Variants in PIK3C2G observed in about 807,000 individuals in gnomAD.
PIK3C2G encodes phosphatidylinositol 3-kinase C2 domain-containing subunit gamma.
A neutral mutation model predicts 181.1 loss-of-function variants in PIK3C2G; 168 were observed. The observed-to-expected ratio is 0.93, with a 90% CI of 0.82 to 1.05. The LOEUF (loss-of-function observed/expected upper bound fraction) is 1.05, where lower values mean the gene tolerates loss of function less well. Ranked by LOEUF, PIK3C2G falls within the 50% of genes least tolerant of loss-of-function variation. The pLI is 0.00. For missense variants in PIK3C2G, 1,869 were observed against 1,732.8 expected (o/e 1.08, Z -1.40); for synonymous variants, 573 against 592.2 (o/e 0.97, Z 0.47).
chr12:18,565,950 C>T (rs181461900), intron 28 of PIK3C2G, among the ~76,000 whole-genome samples: 5 of 152,172 alleles, frequency 3.3e-5, no homozygotes, highest in Admixed American at 2.0e-4. Flanking sequence ...ATCTCTCTAC[C>T]TACCTATCTA....
At chr12:18,509,311 G>C (rs1942060354) in intron 24 of PIK3C2G, among the ~76,000 whole-genome samples, 3 of 152,204 alleles carry the variant, frequency 2.0e-5, no homozygotes, top group African/African-American at 7.2e-5. Context: ...GCCTCTCAAA[G>C]TGCTGAGATT....
At chr12:18,567,574 G>A (rs914054385) in intron 29 of PIK3C2G, among the ~76,000 whole-genome samples, 6 of 151,808 alleles carry the variant, frequency 4.0e-5, no homozygotes, top group Non-Finnish European at 8.8e-5. Context: ...TATCAGTGCC[G>A]TGAAGTGCTC....
At chr12:18,535,749 AT>A (rs1943818048) in intron 24 of PIK3C2G, among the ~76,000 whole-genome samples, 1 of 152,120 alleles carries the variant, frequency 6.6e-6, no homozygotes, top group African/African-American at 2.4e-5. Context: ...AAATTAAGAT[AT>A]TTTTCTGATT....
intron 26 of PIK3C2G, among the ~76,000 whole-genome samples, chr12:18,554,141 G>T (rs1377299994): frequency 6.6e-6 from 1 of 151,878 alleles, no homozygotes; most frequent in Non-Finnish European, 1.5e-5. Flanking sequence ...TGAGATCATG[G>T]GTAGACCTAG....
At chr12:18,711,472 C>T in the PIK3C2G span, among the ~76,000 whole-genome samples, 1 of 150,218 alleles carries the variant, frequency 6.7e-6, no homozygotes, top group Non-Finnish European at 1.5e-5. Flanking sequence ...CAACATGGCA[C>T]ATGTATCCAT....
At chr12:18,559,629 G>T (rs1049476795) in intron 26 of PIK3C2G, among the ~76,000 whole-genome samples, 2 of 151,152 alleles carry the variant, frequency 1.3e-5, no homozygotes, top group Non-Finnish European at 2.9e-5. Context: ...AAAAAAAAAG[G>T]TCTCTCTCAC....
intron 31 of PIK3C2G, among the ~76,000 whole-genome samples, chr12:18,626,356 T>C (rs931993840): frequency 6.6e-6 from 1 of 152,054 alleles, no homozygotes; most frequent in Non-Finnish European, 1.5e-5. Context: ...ATATATATTA[T>C]TTTGTAATAT....
intron 18 of PIK3C2G, among the ~76,000 whole-genome samples, chr12:18,480,079 A>C (rs1939407186): frequency 6.6e-6 from 1 of 152,192 alleles, no homozygotes; most frequent in Admixed American, 6.5e-5. Context: ...GGCTGGAGCC[A>C]AGGCTTTCTT....
chr12:18,608,612 A>G (rs2136588928), intron 30 of PIK3C2G, among the ~76,000 whole-genome samples: 1 of 151,966 alleles, frequency 6.6e-6, no homozygotes, highest in South Asian at 2.1e-4. Context: ...ATGTTAAATG[A>G]CAAGTTAATG....
intron 18 of PIK3C2G, among the ~76,000 whole-genome samples, chr12:18,447,078 A>T (rs969911014): frequency 1.3e-5 from 2 of 152,216 alleles, no homozygotes; most frequent in African/African-American, 4.8e-5. Context: ...GGTTGAATAC[A>T]GATATTGAAC....
At chr12:18,389,499 A>G (rs1264141446) in intron 14 of PIK3C2G, among the ~76,000 whole-genome samples, 1 of 152,202 alleles carries the variant, frequency 6.6e-6, no homozygotes, top group Non-Finnish European at 1.5e-5. Flanking sequence ...ATTATTCCCT[A>G]TTTTAATTGT....
At chr12:18,658,353 T>C in the PIK3C2G span, among the ~76,000 whole-genome samples, 1 of 152,132 alleles carries the variant, frequency 6.6e-6, no homozygotes, top group Non-Finnish European at 1.5e-5. Flanking sequence ...AAACTCTAAG[T>C]AGGATAAACA....
At chr12:18,523,297 AT>A (rs377758156) in intron 24 of PIK3C2G, among the ~76,000 whole-genome samples, 1 of 152,014 alleles carries the variant, frequency 6.6e-6, no homozygotes, top group African/African-American at 2.4e-5. Context: ...TATTTCCATG[AT>A]TTTTTATAAT....
At chr12:18,662,837 A>C in the PIK3C2G span, among the ~76,000 whole-genome samples, 1 of 152,102 alleles carries the variant, frequency 6.6e-6, no homozygotes, top group African/African-American at 2.4e-5. Context: ...CCAAACAGAA[A>C]ATGCACATAG....
intron 31 of PIK3C2G, among the ~76,000 whole-genome samples, chr12:18,617,443 CAT>C (rs1484273718): frequency 1.3e-5 from 2 of 152,134 alleles, no homozygotes; most frequent in African/African-American, 4.8e-5. Flanking sequence ...CACTTTTATA[CAT>C]GTTTCACCAA....
intron 24 of PIK3C2G, 108 bp downstream of exon 24, chr12:18,505,569 C>A: frequency 1.5e-6 from 1 of 655,316 alleles, no homozygotes; most frequent in Non-Finnish European, 2.4e-6. Context: ...TCTCTCAAAT[C>A]CCCCCAGGTA....
intron 1 of PIK3C2G, among the ~76,000 whole-genome samples, chr12:18,269,128 C>A (rs1214131165): frequency 3.3e-5 from 5 of 151,946 alleles, no homozygotes; most frequent in Non-Finnish European, 7.4e-5. Flanking sequence ...CCAGGCTGAT[C>A]TTGAACTCCT....
At chr12:18,418,046 TG>T (rs1945280583) in intron 16 of PIK3C2G, among the ~76,000 whole-genome samples, 1 of 152,242 alleles carries the variant, frequency 6.6e-6, no homozygotes, top group African/African-American at 2.4e-5. Context: ...TCATGATCAA[TG>T]CATTTTTATT....
rs145225229 is a variant in PIK3C2G, at chr12:18,544,463, G to T, written c.3481-1860G>T. Among the ~76,000 whole-genome samples the T allele has an allele frequency of 3.9e-5, 6 of 151,904 alleles. No homozygotes were observed. The East Asian group carries it at 1.2e-3, about 30-fold the overall frequency. On this transcript the variant is annotated intron_variant, in intron 25 of 32. Transcript: ENST00000538779. ...GGAGAACAAGATAAAAGTTATTCAAGATATCTGGGCAAATGAAGATGAGGG... is the reference window on the plus strand; with the variant it reads ...GGAGAACAAGATAAAAGTTATTCAATATATCTGGGCAAATGAAGATGAGGG...
Sources: allele counts gnomAD v4.1 joint callset (sites outside exome capture counted in the v4.1 genomes callset), GRCh38; gene constraint gnomAD v4.1.1; transcripts MANE v1.5; gene names NCBI Gene and HGNC (gene_info 2026-07-23, HGNC 2026-07-21).